The following FRMPD4 variants were observed in gnomAD, a reference collection of about 807,000 sequenced individuals.
The protein encoded by FRMPD4 is FERM and PDZ domain-containing protein 4.
Under a neutral mutation model 94.1 loss-of-function variants are expected in FRMPD4, and 22 were observed. The ratio of observed to expected loss-of-function variants is 0.23; its 90% CI spans 0.17 to 0.33. The LOEUF is 0.33. FRMPD4 is among the 10% of genes least tolerant of loss of function. FRMPD4 has a pLI of 1.00. For missense variants in FRMPD4, 1,111 were observed against 1,339.9 expected, an observed-to-expected ratio of 0.83 and a Z score of 2.67; for synonymous variants, 631 against 548.6, an observed-to-expected ratio of 1.15 and a Z score of -2.10.
chrX:12,097,929 G>C (rs940040770), intron 3 of FRMPD4, among the ~76,000 whole-genome samples: 4 of 112,229 alleles, frequency 3.6e-5, no homozygotes, highest in African/African-American at 1.3e-4. Flanking sequence ...CTCTTGGTTA[G>C]ATACCTAAGG....
At chrX:12,711,767 C>T (rs1171393636) in intron 14 of FRMPD4, among the ~76,000 whole-genome samples, 3 of 109,069 alleles carry the variant, frequency 2.8e-5, no homozygotes, top group Non-Finnish European at 5.7e-5. Context: ...CAACCCTGCC[C>T]CCCGCCCCAA....
At chrX:12,317,926 A>G (rs1348388937) in intron 1 of FRMPD4, among the ~76,000 whole-genome samples, 1 of 112,280 alleles carries the variant, frequency 8.9e-6, no homozygotes, top group African/African-American at 3.2e-5. Context: ...GAACTACCAT[A>G]TGATCCAACA....
At chrX:12,031,510 T>C (rs917465596) in intron 3 of FRMPD4, among the ~76,000 whole-genome samples, 14 of 111,533 alleles carry the variant, frequency 1.3e-4, no homozygotes, top group Non-Finnish European at 1.3e-4. Context: ...TTACTCTAGG[T>C]CAGTGATTCT....
At chrX:11,978,313 CTCCA>C (rs1357988007) in intron 3 of FRMPD4, among the ~76,000 whole-genome samples, 1 of 65,425 alleles carries the variant, frequency 1.5e-5, no homozygotes, top group African/African-American at 6.1e-5. Context: ...CAGAGTGAAA[CTCCA>C]TCTCAAAAAA....
chrX:12,251,850 C>A (rs2054044340), intron 1 of FRMPD4, among the ~76,000 whole-genome samples: 1 of 111,793 alleles, frequency 8.9e-6, no homozygotes, highest in Admixed American at 9.5e-5. Context: ...ACCTCAGTTC[C>A]ACTCTCACCT....
chrX:12,493,760 C>A (rs1046051341), intron 1 of FRMPD4, among the ~76,000 whole-genome samples: 1 of 111,723 alleles, frequency 9.0e-6, no homozygotes, highest in African/African-American at 3.3e-5. Context: ...CTGAGGCAGG[C>A]CTGTGAGTAT....
chrX:12,228,311 C>G (rs769252267), intron 1 of FRMPD4, among the ~76,000 whole-genome samples: 2 of 112,403 alleles, frequency 1.8e-5, no homozygotes, highest in African/African-American at 3.2e-5. Context: ...TTTTGTATGA[C>G]ATTCATAAAA....
At chrX:12,428,997 AT>A (rs1312540916) in intron 1 of FRMPD4, among the ~76,000 whole-genome samples, 1 of 109,946 alleles carries the variant, frequency 9.1e-6, no homozygotes, top group African/African-American at 3.5e-5. Flanking sequence ...ACAGCCAACC[AT>A]TTCTTTGGAA....
intron 2 of FRMPD4, among the ~76,000 whole-genome samples, chrX:12,587,011 C>G (rs185316527): frequency 9.2e-6 from 1 of 108,988 alleles, no homozygotes; most frequent in Non-Finnish European, 1.9e-5. Flanking sequence ...GAATCTCACT[C>G]TGTCGCCCAG....
chrX:11,883,539 A>T (rs754406272), intron 3 of FRMPD4, among the ~76,000 whole-genome samples: 9 of 111,714 alleles, frequency 8.1e-5, no homozygotes, highest in Non-Finnish European at 1.7e-4. Flanking sequence ...TAAATAGTAG[A>T]TCTAGTCCCT....
intron 4 of FRMPD4, among the ~76,000 whole-genome samples, chrX:12,634,936 C>A (rs184568370): frequency 9.6e-6 from 1 of 104,707 alleles, no homozygotes; most frequent in African/African-American, 3.5e-5. Context: ...AGGGCTCAAG[C>A]GATTCTTCTG....
intron 1 of FRMPD4, among the ~76,000 whole-genome samples, chrX:12,165,987 T>C (rs780529971): frequency 0.011 from 1,177 of 111,619 alleles, 16 homozygotes; most frequent in African/African-American, 0.035. Flanking sequence ...ACAATCATGT[T>C]ATCTGCAAAC....
chrX:12,664,831 C>T (rs1392710557), intron 4 of FRMPD4, among the ~76,000 whole-genome samples: 3 of 111,641 alleles, frequency 2.7e-5, no homozygotes, highest in Non-Finnish European at 5.6e-5. Context: ...TATGTCTAGT[C>T]CTGGGCTTTT....
In FRMPD4 at chrX:12,721,162, C is replaced by T; in HGVS notation, c.4593C>T (p.Leu1531=). The change falls in exon 17 of 17, where the codon CTC becomes CTT. Residue 1531 remains leucine, a synonymous_variant. Transcript: ENST00000675598. The part of the protein sequence containing the change: ...RGEATVQVSC[L]YRPQMTQAMP... ...AGGCCACCGTCCAGGTCTCTTGCCT[C>T]TATAGACCACAGATGACTCAAGCCA... The T allele has an allele frequency of 1.3e-6, 1 of 755,420 alleles. No homozygotes were observed. The highest frequency in any genetic ancestry group is 1.6e-6 in the Non-Finnish European group (1 of 638,918). 62.3% of individuals were successfully genotyped at this position (755,420 alleles called of 1,213,427 possible).
chrX:12,324,823 G>A (rs866986570), intron 1 of FRMPD4, among the ~76,000 whole-genome samples: 1 of 110,034 alleles, frequency 9.1e-6, no homozygotes, highest in East Asian at 2.8e-4. Context: ...AAGATAATGG[G>A]TGTGGATTTT....
At chrX:12,083,705 A>T (rs373332457) in intron 3 of FRMPD4, among the ~76,000 whole-genome samples, 3 of 112,721 alleles carry the variant, frequency 2.7e-5, no homozygotes, top group East Asian at 5.6e-4. Flanking sequence ...GCTGCCCAAG[A>T]CCATGGGAAC....
At chrX:11,964,572 C>G (rs1201901749) in intron 3 of FRMPD4, among the ~76,000 whole-genome samples, 1 of 111,797 alleles carries the variant, frequency 8.9e-6, no homozygotes, top group Admixed American at 9.5e-5. Context: ...TGGGAACTGC[C>G]AACAGTCTTA....
At position 12,182,138 on chromosome X, in the gene FRMPD4, A is replaced by C. The variant is rs190974774; in HGVS notation, c.41+43126A>C. ...GTCAAGAGATGAGCAGGTAGTTCCA[A>C]AATAAAAACAGAGTGGAGTTACCTG... is the stretch of plus-strand genomic sequence containing the variant. On this transcript the variant is annotated intron_variant, in intron 1 of 16. Transcript: ENST00000675598. Among the ~76,000 whole-genome samples, 455 of 111,604 alleles carry C rather than the reference A, an allele frequency of 4.1e-3. 1 individual carries two copies. Among genetic ancestry groups the C allele is most frequent in the Non-Finnish European group, 6.5e-3 (346 of 53,073 alleles).
At chrX:12,690,459 C>T (rs1270497598) in intron 8 of FRMPD4, 133 bp downstream of exon 8, 7 of 515,480 alleles carry the variant, frequency 1.4e-5, no homozygotes, top group South Asian at 4.7e-5. Context: ...AAAGGAAGTG[C>T]TGGCATTCTT....
Sources: gnomAD v4.1 joint callset for allele counts (sites outside exome capture counted in the v4.1 genomes callset) on GRCh38, gnomAD v4.1.1 for gene constraint, MANE v1.5 for transcripts, NCBI Gene and HGNC (gene_info 2026-07-23, HGNC 2026-07-21) for gene names.